The following KIF21B variants were observed in gnomAD, a reference collection of about 807,000 sequenced individuals.
The protein encoded by KIF21B is kinesin family member 21B.
In KIF21B, 85 loss-of-function variants were observed where a neutral mutation model predicts 192.9. The ratio of observed to expected loss-of-function variants is 0.44; its 90% CI spans 0.37 to 0.53. The LOEUF (loss-of-function observed/expected upper bound fraction) is 0.53. Among genes scored for constraint, KIF21B ranks in the 20% least tolerant of loss-of-function variants. The probability of loss-of-function intolerance (pLI) is 0.00; values close to 1 mark genes in which losing one functional copy is unlikely to be tolerated. For synonymous variants in KIF21B, 832 were observed against 884.6 expected (o/e 0.94, Z 1.05); for missense variants, 1,716 against 2,194.8 (o/e 0.78, Z 4.36).
Position 200,977,097 on chromosome 1 carries a change from G to T in KIF21B, c.4325+115C>A, listed in dbSNP as rs538978113. ...GGGCACAGGCCCAGCAGCATGGGGGGAATAAAGGTGTTGCTGAGGTCCTAC... is the reference window on the plus strand; with the variant it reads ...GGGCACAGGCCCAGCAGCATGGGGGTAATAAAGGTGTTGCTGAGGTCCTAC... On this transcript the variant is annotated intron_variant, in intron 31 of 34. Transcript: ENST00000461742. 2.9e-5 allele frequency: 36 copies of T among 1,235,750 alleles called. No homozygotes were observed. In the East Asian group the frequency reaches 5.9e-4, roughly 20 times the overall value. The allele number at this position is 1,235,750 out of a possible 1,614,324, so 76.5% of individuals were successfully genotyped here.
In KIF21B at chr1:200,982,850, G is replaced by A. The variant is rs1347889646; in HGVS notation, c.3842+206C>T. Among the ~76,000 whole-genome samples the A allele has an allele frequency of 3.3e-5, 5 of 152,174 alleles. No individual in the cohort carries two copies. The highest frequency in any genetic ancestry group is 4.8e-5 in the African/African-American group (2 of 41,434). ...CCCCAAGCCCCCAGCTCTAGCTGGCGCAGTCCAAGGCCTTGTGGCCACCCT... is the reference window on the plus strand; with the variant it reads ...CCCCAAGCCCCCAGCTCTAGCTGGCACAGTCCAAGGCCTTGTGGCCACCCT... On this transcript the variant is annotated intron_variant, in intron 28 of 34. Transcript: ENST00000461742. The surrounding 1 kb of genome is among the most constrained non-coding windows in gnomAD (Gnocchi z 4.7).
rs551208366 is a variant in KIF21B, at chr1:200,989,024, T to G, written c.3133-93A>C. 8.5e-5 allele frequency: 113 copies of G among 1,326,910 alleles called. No individual in the cohort carries two copies. In the African/African-American group the frequency reaches 1.5e-3, roughly 18 times the overall value. The allele number at this position is 1,326,910 out of a possible 1,614,324, so 82.2% of individuals were successfully genotyped here. ...CTGCACCCCTCAAGACACCTTGGAG[T>G]GCTCCTTTCCAGCTCCCAACATCAC... is the stretch of plus-strand genomic sequence containing the variant. On this transcript the variant is annotated intron_variant, in intron 21 of 34. Coordinates refer to ENST00000461742, the MANE Select transcript of KIF21B (RefSeq NM_001252102.2).
chr1:201,009,448 G>A lies in KIF21B; in HGVS notation c.82C>T (p.His28Tyr). The change falls in exon 2 of 35, where the codon CAC (histidine) becomes TAC (tyrosine). Residue 28 changes from histidine (H) to tyrosine (Y), a missense_variant. Coordinates refer to ENST00000461742, the MANE Select transcript of KIF21B (RefSeq NM_001252102.2). ...CCCGGGGTAACAGAGGTACAGATGT[G>A]ACAGCCCTCAATCTTCTCCTTCGAC... The part of the protein sequence containing the change: ...QLSKEKIEGC[H>Y]ICTSVTPGEP... 3 of 1,614,220 alleles carry A rather than the reference G, an allele frequency of 1.9e-6. No homozygotes were observed. The highest frequency in any genetic ancestry group is 2.5e-6 in the Non-Finnish European group (3 of 1,180,034).
chr1:201,022,957 G>A (rs1318858908), intron 1 of KIF21B, among the ~76,000 whole-genome samples: 1 of 152,266 alleles, frequency 6.6e-6, no homozygotes, highest in Admixed American at 6.5e-5. Context: ...CATGGATGAG[G>A]GGAAATTTCC....
intron 14 of KIF21B, among the ~76,000 whole-genome samples, chr1:200,996,651 G>A (rs1312701720): frequency 6.6e-6 from 1 of 152,122 alleles, no homozygotes; most frequent in African/African-American, 2.4e-5. Context: ...TGAACCCCTG[G>A]TCCCCAACTT....
At position 200,982,913 on chromosome 1, in the gene KIF21B, G is replaced by A; in HGVS notation, c.3842+143C>T. On this transcript the variant is annotated intron_variant, in intron 28 of 34. Coordinates refer to ENST00000461742, the MANE Select transcript of KIF21B (RefSeq NM_001252102.2). The surrounding 1 kb of genome is among the most constrained non-coding windows in gnomAD (Gnocchi z 4.7). ...CCATGGGGGCAGGAACAGGTCTGGA[G>A]AGGGGGGCAGCAGGAAGGGGAGTGG... is the stretch of plus-strand genomic sequence containing the variant. The A allele has an allele frequency of 1.3e-6, 1 of 750,248 alleles. No homozygotes were observed. Among genetic ancestry groups the A allele is most frequent in the Non-Finnish European group, 2.3e-6 (1 of 436,542 alleles). 46.5% of individuals were successfully genotyped at this position (750,248 alleles called of 1,614,324 possible).
chr1:200,988,321 G>C lies in KIF21B; in HGVS notation c.3383C>G (p.Thr1128Ser). The C allele has an allele frequency of 6.2e-7, 1 of 1,614,140 alleles. No individual in the cohort carries two copies. The highest frequency in any genetic ancestry group is 1.1e-5 in the South Asian group (1 of 91,086). ...FSQSFTMKGS[T>S]SHDDFKFKSE... ...CTTGAACTTGAAATCGTCATGGCTG[G>C]TGGAGCCTTTCATGGTGAATGACTG... Residue 1128 changes from threonine to serine, a missense_variant, in exon 24 of 35, where the codon ACC (threonine) becomes AGC (serine). Thr to Ser is a moderately conservative substitution (Grantham distance 58). Around this residue, in one of 3 missense-constraint regions of KIF21B, gnomAD observed 580 missense variants for 775.5 expected, o/e 0.75. Coordinates refer to ENST00000461742, the MANE Select transcript of KIF21B (RefSeq NM_001252102.2).
At chr1:200,980,797 G>A (rs1053944833) in intron 29 of KIF21B, among the ~76,000 whole-genome samples, 163 bp downstream of exon 29, 6 of 152,318 alleles carry the variant, frequency 3.9e-5, no homozygotes, top group African/African-American at 1.4e-4. Flanking sequence ...TGGGATGGGG[G>A]CCTTGAGCCA....
chr1:201,021,762 C>G (rs899630748), intron 1 of KIF21B, among the ~76,000 whole-genome samples: 3 of 152,192 alleles, frequency 2.0e-5, no homozygotes, highest in Non-Finnish European at 4.4e-5. Flanking sequence ...AAGGGCACCC[C>G]CAAGCCCCTT....
In KIF21B at chr1:201,008,841, G is replaced by A. The variant is rs755499972; in HGVS notation, c.375C>T (p.Ala125=). ...GCTCCTGTGCCCGGCGCTTGCGCTC[G>A]GCAATGCCCCCAAAGAGGTGTGCGA... ...RAIAHLFGGI[A]ERKRRAQEQG... Residue 125 remains alanine (A), a synonymous_variant, in exon 3 of 35, where the codon GCC becomes GCT. Coordinates refer to ENST00000461742, the MANE Select transcript of KIF21B (RefSeq NM_001252102.2). 40 of 1,609,286 alleles carry A rather than the reference G, an allele frequency of 2.5e-5. No individual in the cohort carries two copies. Among genetic ancestry groups the A allele is most frequent in the South Asian group, 1.3e-4 (12 of 91,086 alleles).
chr1:200,995,011 A>G (rs974894100), intron 15 of KIF21B, among the ~76,000 whole-genome samples: 2 of 152,214 alleles, frequency 1.3e-5, no homozygotes, highest in Admixed American at 1.3e-4. Context: ...ACAGCAAGGC[A>G]GGGACTTCTC....
chr1:200,988,598 G>A (rs939227898), intron 22 of KIF21B, 54 bp from the exon 23 acceptor site: 67 of 1,495,508 alleles, frequency 4.5e-5, no homozygotes, highest in Admixed American at 4.2e-4. Flanking sequence ...TCCAAGTGTC[G>A]GGGGAGGGAT....
At chr1:201,006,579 G>A (rs1421184674) in intron 3 of KIF21B, among the ~76,000 whole-genome samples, 4 of 152,112 alleles carry the variant, frequency 2.6e-5, no homozygotes, top group African/African-American at 9.7e-5. Context: ...GTGCAGATGG[G>A]GGCCTACAAT....
rs752523909 is a variant in KIF21B at position 201,000,031 on chromosome 1, G to A, written c.1686-67C>T. 61 of 1,389,940 alleles carry A rather than the reference G, an allele frequency of 4.4e-5. No individual in the cohort carries two copies. The highest frequency in any genetic ancestry group is 1.8e-4 in the Middle Eastern group (1 of 5,642). 86.1% of individuals were successfully genotyped at this position (1,389,940 alleles called of 1,614,324 possible). A position where few individuals can be genotyped will look rare whatever the true frequency, so the allele number is the denominator to read the frequency against. ...CCTGCCCTGAGCACATGGGCAGGAC[G>A]GCGGCAGCGGCAGAAAAGGAAGGCT... is the stretch of plus-strand genomic sequence containing the variant. On this transcript the variant is annotated intron_variant, in intron 11 of 34. Coordinates refer to ENST00000461742, the MANE Select transcript of KIF21B (RefSeq NM_001252102.2). This position sits in a 1 kb window ranked among gnomAD's most constrained non-coding sequence, Gnocchi z 6.0.
In KIF21B at chr1:200,996,279, C is replaced by A. The variant is rs777561377; in HGVS notation, c.2194G>T (p.Ala732Ser). 67 of 1,613,994 alleles carry A rather than the reference C, an allele frequency of 4.2e-5. 1 individual carries two copies. Among genetic ancestry groups the A allele is most frequent in the Non-Finnish European group, 5.4e-5 (64 of 1,180,044 alleles). Residue 732 changes from alanine to serine, a missense_variant, in exon 15 of 35, where the codon GCC (alanine) becomes TCC (serine). Around this residue, in one of 3 missense-constraint regions of KIF21B, gnomAD observed 1,087 missense variants for 1,316.6 expected, o/e 0.83. Transcript: ENST00000461742. Reference sequence around the variant, plus strand: ...CGCGACTGGTTCTTAAGCAGCCGGGCGTGCTCTTTCTGGGCGGCCTGCAGC... The same window carrying A: ...CGCGACTGGTTCTTAAGCAGCCGGGAGTGCTCTTTCTGGGCGGCCTGCAGC... ...QKLQAAQKEH[A>S]RLLKNQSRYE... is the part of the protein sequence containing the mutation.
chr1:201,014,426 G>A (rs763081088), intron 1 of KIF21B, among the ~76,000 whole-genome samples: 43 of 152,232 alleles, frequency 2.8e-4, no homozygotes, highest in Admixed American at 2.7e-3. Context: ...GGGCGGAAGG[G>A]GAGGACAGAG....
chr1:201,010,630 C>A (rs1393602787), intron 1 of KIF21B, among the ~76,000 whole-genome samples: 1 of 152,168 alleles, frequency 6.6e-6, no homozygotes, highest in Non-Finnish European at 1.5e-5. Flanking sequence ...CAGGCACTTA[C>A]AATGAGCTGC....
At chr1:201,021,450 G>C (rs1016891491) in intron 1 of KIF21B, among the ~76,000 whole-genome samples, 1 of 152,226 alleles carries the variant, frequency 6.6e-6, no homozygotes, top group African/African-American at 2.4e-5. Context: ...GCAAGGCGTG[G>C]GGGCACCCAG....
intron 15 of KIF21B, among the ~76,000 whole-genome samples, chr1:200,994,266 G>C (rs1384566932): frequency 6.6e-6 from 1 of 152,242 alleles, no homozygotes; most frequent in African/African-American, 2.4e-5. Context: ...AAGGCATTGT[G>C]GCCTCTCCCT....
Sources: gnomAD v4.1 joint callset for allele counts (sites outside exome capture counted in the v4.1 genomes callset) on GRCh38, gnomAD v4.1.1 for gene constraint, gnomAD v4.1.1 regional missense constraint, Gnocchi (gnomAD v3.1) non-coding constraint, MANE v1.5 for transcripts, NCBI Gene and HGNC (gene_info 2026-07-23, HGNC 2026-07-21) for gene names.